A2M: variants seen among roughly 807,000 people sequenced by gnomAD.
A2M encodes C3 and PZP-like alpha-2-macroglobulin domain-containing protein 5.
In A2M, 128 loss-of-function variants were observed where a neutral mutation model predicts 183.9. The ratio of observed to expected loss-of-function variants is 0.70; its 90% CI spans 0.60 to 0.81. The LOEUF is 0.81. Ranked by LOEUF, A2M falls within the 30% of genes least tolerant of loss-of-function variation. The pLI is 0.00. For missense variants in A2M, 1,495 were observed against 1,787.6 expected (o/e 0.84, Z 2.95); for synonymous variants, 592 against 670.8 (o/e 0.88, Z 1.81).
intron 8 of A2M, among the ~76,000 whole-genome samples, chr12:9,106,956 T>C (rs986665749): frequency 3.9e-5 from 6 of 152,200 alleles, no homozygotes; most frequent in Non-Finnish European, 7.3e-5. Context: ...AATGATCACA[T>C]CGCGGGATTT....
At chr12:9,110,111 C>G in intron 5 of A2M, 76 bp from the exon 6 acceptor site, 1 of 1,483,210 alleles carries the variant, frequency 6.7e-7, no homozygotes, top group East Asian at 2.3e-5. Context: ...TATGGAAACC[C>G]TAAGTTATCT....
intron 10 of A2M, among the ~76,000 whole-genome samples, chr12:9,104,809 C>T (rs924715709): frequency 6.6e-6 from 1 of 152,144 alleles, no homozygotes; most frequent in Admixed American, 6.5e-5. Context: ...ATCTATTAAT[C>T]TATTAACTAA....
chr12:9,091,985 C>G (rs1949227249), intron 18 of A2M, among the ~76,000 whole-genome samples: 1 of 152,172 alleles, frequency 6.6e-6, no homozygotes, highest in South Asian at 2.1e-4. Context: ...ATTAGCAATG[C>G]GTTTGAAAGA....
At chr12:9,092,881 A>G (rs1038199439) in intron 18 of A2M, among the ~76,000 whole-genome samples, 3 of 152,224 alleles carry the variant, frequency 2.0e-5, no homozygotes, top group Non-Finnish European at 4.4e-5. Context: ...GGGTGAATGG[A>G]TAAATAAATT....
rs778372216 is a variant in A2M, at chr12:9,104,225, C to G, written c.1266+14G>C. 6.2e-7 allele frequency: 1 copy of G among 1,601,724 alleles called. No individual in the cohort carries two copies. The highest frequency in any genetic ancestry group is 1.3e-5 in the African/African-American group (1 of 74,308). On this transcript the variant is annotated intron_variant, in intron 11 of 35. Coordinates refer to ENST00000318602, the MANE Select transcript of A2M (RefSeq NM_000014.6). ...GGCTACTTCATGTCATTGGTAATTT[C>G]TTTCCAAACTTACCCTAACAGTAAG... is the stretch of plus-strand genomic sequence containing the variant.
chr12:9,086,422 T>C (rs1179807582), intron 22 of A2M, among the ~76,000 whole-genome samples: 3 of 152,026 alleles, frequency 2.0e-5, no homozygotes, highest in Admixed American at 6.6e-5. Flanking sequence ...AATCCAACAA[T>C]ACAGTAAAAG....
intron 1 of A2M, among the ~76,000 whole-genome samples, chr12:9,114,447 T>C (rs757993247): frequency 1.3e-5 from 2 of 152,158 alleles, no homozygotes; most frequent in Non-Finnish European, 2.9e-5. Flanking sequence ...TAGATTACTT[T>C]TACAATTTTC....
intron 31 of A2M, among the ~76,000 whole-genome samples, chr12:9,070,994 A>G (rs1045132737): frequency 2.6e-5 from 4 of 151,988 alleles, no homozygotes; most frequent in Non-Finnish European, 5.9e-5. Context: ...CTAATTTTGT[A>G]TTTTTAGTAC....
intron 25 of A2M, 143 bp from the exon 26 acceptor site, chr12:9,078,000 G>C: frequency 1.1e-6 from 1 of 941,336 alleles, no homozygotes; most frequent in Non-Finnish European, 1.6e-6. Context: ...TTAATCTTTA[G>C]TCTGCCTGAT....
chr12:9,112,962 G>C (rs1240889114), intron 2 of A2M, among the ~76,000 whole-genome samples: 1 of 152,114 alleles, frequency 6.6e-6, no homozygotes, highest in East Asian at 1.9e-4. Flanking sequence ...CCTTTGCTCA[G>C]GGTAATTTCT....
At chr12:9,073,032 T>C (rs1170041148) in intron 29 of A2M, among the ~76,000 whole-genome samples, 161 bp from the exon 30 acceptor site, 2 of 152,236 alleles carry the variant, frequency 1.3e-5, no homozygotes, top group East Asian at 1.9e-4. Context: ...CTTTAGATAG[T>C]TGAAGAACCA....
chr12:9,093,377 A>G, intron 18 of A2M, 88 bp downstream of exon 18: 1 of 849,956 alleles, frequency 1.2e-6, no homozygotes, highest in Non-Finnish European at 2.0e-6. Flanking sequence ...TAAACATATA[A>G]AACAATAAAA....
At chr12:9,107,425 C>A in intron 8 of A2M, 99 bp downstream of exon 8, 1 of 1,414,114 alleles carries the variant, frequency 7.1e-7, no homozygotes, top group Non-Finnish European at 9.6e-7. Flanking sequence ...GAATTCTCTT[C>A]TAGATTGTTC....
At chr12:9,097,674 C>T (rs1311433710) in intron 15 of A2M, among the ~76,000 whole-genome samples, 2 of 147,034 alleles carry the variant, frequency 1.4e-5, no homozygotes, top group African/African-American at 2.6e-5. Context: ...TGCTCTATTG[C>T]CCAGGCTGGA....
At chr12:9,076,427 C>A (rs1173472957) in intron 28 of A2M, among the ~76,000 whole-genome samples, 1 of 152,232 alleles carries the variant, frequency 6.6e-6, no homozygotes, top group East Asian at 1.9e-4. Context: ...TGGAGCTAGT[C>A]TCCAGAGAAT....
chr12:9,094,424 C>G (rs1949312120), intron 17 of A2M, among the ~76,000 whole-genome samples: 1 of 142,782 alleles, frequency 7.0e-6, no homozygotes, highest in South Asian at 2.2e-4. Context: ...AAGGATTATA[C>G]AATATAATTT....
At chr12:9,107,252 G>A (rs867752036) in intron 8 of A2M, among the ~76,000 whole-genome samples, 3 of 152,116 alleles carry the variant, frequency 2.0e-5, no homozygotes, top group Non-Finnish European at 4.4e-5. Context: ...ATTAAGAGGT[G>A]TATGGTTTTT....
chr12:9,114,516 A>T (rs1349783807), intron 1 of A2M, among the ~76,000 whole-genome samples: 3 of 152,158 alleles, frequency 2.0e-5, no homozygotes, highest in Non-Finnish European at 4.4e-5. Context: ...AAAGTACATT[A>T]AAAAATTCTT....
chr12:9,085,763 A>AAGAAAAAAG (rs1949035971), intron 22 of A2M, among the ~76,000 whole-genome samples: 1 of 152,140 alleles, frequency 6.6e-6, no homozygotes, highest in Admixed American at 6.5e-5. Flanking sequence ...TAGGTTAGCT[A>AAGAAAAAAG]AGAAAAAAGA....
Sources: gnomAD v4.1 joint callset for allele counts (sites outside exome capture counted in the v4.1 genomes callset) on GRCh38, gnomAD v4.1.1 for gene constraint, MANE v1.5 for transcripts, NCBI Gene and HGNC (gene_info 2026-07-23, HGNC 2026-07-21) for gene names.